Variants in GALNT7 observed in about 807,000 individuals in gnomAD.
GALNT7 encodes the protein polypeptide N-acetylgalactosaminyltransferase 7.
GALNT7 carries 60 observed loss-of-function variants against 82.1 expected under a neutral mutation model. The observed-to-expected ratio is 0.73, with a 90% CI of 0.59 to 0.91. The LOEUF (loss-of-function observed/expected upper bound fraction) is 0.91. GALNT7 is among the 40% of genes least tolerant of loss of function. GALNT7 has a pLI of 0.00. For missense variants in GALNT7, 660 were observed against 804.2 expected, an observed-to-expected ratio of 0.82 and a Z score of 2.17; for synonymous variants, 243 against 275.1, an observed-to-expected ratio of 0.88 and a Z score of 1.15.
intron 2 of GALNT7, among the ~76,000 whole-genome samples, chr4:173,276,460 G>A (rs942839923): frequency 2.6e-5 from 4 of 152,120 alleles, no homozygotes; most frequent in Admixed American, 6.5e-5. Flanking sequence ...AGGAATTGAG[G>A]CATTGTTTGA....
At chr4:173,294,411 A>G (rs761411341) in intron 3 of GALNT7, among the ~76,000 whole-genome samples, 3 of 152,142 alleles carry the variant, frequency 2.0e-5, no homozygotes, top group Non-Finnish European at 4.4e-5. Flanking sequence ...TCAATTCCAG[A>G]TACCCACGTG....
chr4:173,256,707 A>G (rs945814923), intron 2 of GALNT7, among the ~76,000 whole-genome samples: 3 of 152,244 alleles, frequency 2.0e-5, no homozygotes, highest in Non-Finnish European at 2.9e-5. Flanking sequence ...CCTAAAAGGT[A>G]GGCATAGCCA....
chr4:173,175,253 G>A (rs1437624652), intron 1 of GALNT7, among the ~76,000 whole-genome samples: 2 of 152,174 alleles, frequency 1.3e-5, no homozygotes, highest in Non-Finnish European at 2.9e-5. Flanking sequence ...AACAATAATA[G>A]TTTACATATA....
At chr4:173,215,020 A>G (rs1191277132) in intron 1 of GALNT7, among the ~76,000 whole-genome samples, 1 of 151,994 alleles carries the variant, frequency 6.6e-6, no homozygotes, top group Non-Finnish European at 1.5e-5. Context: ...CCTTTCTGTA[A>G]TCCTATCATG....
chr4:173,196,590 G>T (rs1732786333), intron 1 of GALNT7, among the ~76,000 whole-genome samples: 1 of 152,088 alleles, frequency 6.6e-6, no homozygotes, highest in South Asian at 2.1e-4. Flanking sequence ...GGATGTACAG[G>T]TTTGTTATAT....
intron 1 of GALNT7, among the ~76,000 whole-genome samples, chr4:173,220,949 C>T (rs1384501001): frequency 6.6e-6 from 1 of 151,660 alleles, no homozygotes; most frequent in Non-Finnish European, 1.5e-5. Context: ...GTGGATAGTG[C>T]CGCAATAAAC....
At chr4:173,306,012 C>A (rs1029406851) in intron 8 of GALNT7, among the ~76,000 whole-genome samples, 5 of 152,020 alleles carry the variant, frequency 3.3e-5, no homozygotes, top group Admixed American at 6.6e-5. Context: ...AATATTAGTT[C>A]TTTGAATCCA....
intron 1 of GALNT7, among the ~76,000 whole-genome samples, chr4:173,218,298 T>C (rs1296945840): frequency 6.6e-6 from 1 of 152,354 alleles, no homozygotes; most frequent in South Asian, 2.1e-4. Context: ...AAAAGATTGC[T>C]GGAATTTAGG....
chr4:173,257,406 G>T (rs1183468485), intron 2 of GALNT7, among the ~76,000 whole-genome samples: 5 of 152,106 alleles, frequency 3.3e-5, no homozygotes, highest in Non-Finnish European at 7.4e-5. Context: ...CTCATTTTAA[G>T]CTGAATATGT....
chr4:173,267,063 G>A (rs10471161), intron 2 of GALNT7, among the ~76,000 whole-genome samples: 2,416 of 152,046 alleles, frequency 0.016, 61 homozygotes, highest in African/African-American at 0.051. Context: ...ATTTCAAAAG[G>A]GCTAGAAAAG....
At chr4:173,169,236 G>A (rs1731756916) in intron 1 of GALNT7, 1 of 148,736 alleles carries the variant, frequency 6.7e-6, no homozygotes, top group Non-Finnish European at 1.5e-5. Context: ...CAGCGGCTCG[G>A]GCGGCCGCTC....
chr4:173,243,121 T>C (rs1161466796), intron 1 of GALNT7, among the ~76,000 whole-genome samples: 1 of 152,228 alleles, frequency 6.6e-6, no homozygotes, highest in African/African-American at 2.4e-5. Flanking sequence ...GCTTCACCTG[T>C]GATTTCAAAT....
intron 6 of GALNT7, among the ~76,000 whole-genome samples, chr4:173,300,214 G>A (rs1466437834): frequency 2.6e-5 from 4 of 152,142 alleles, no homozygotes; most frequent in African/African-American, 4.8e-5. Flanking sequence ...GTGGTGGCAC[G>A]TGCCTGTAGT....
intron 1 of GALNT7, among the ~76,000 whole-genome samples, chr4:173,205,511 T>G (rs1419449477): frequency 6.6e-6 from 1 of 151,974 alleles, no homozygotes; most frequent in African/African-American, 2.4e-5. Flanking sequence ...TTTTTATGAT[T>G]AGGTGGTTTT....
intron 8 of GALNT7, among the ~76,000 whole-genome samples, chr4:173,305,967 T>C (rs1737140642): frequency 6.6e-6 from 1 of 152,142 alleles, no homozygotes; most frequent in African/African-American, 2.4e-5. Context: ...TTATATTGAA[T>C]CTGTAGTTTG....
In GALNT7 at chr4:173,265,636, C is replaced by T. The variant is rs1309677093; in HGVS notation, c.587+17196C>T. Among the ~76,000 whole-genome samples the T allele has an allele frequency of 8.9e-5, 12 of 135,450 alleles. 1 individual carries two copies. Among genetic ancestry groups the T allele is most frequent in the African/African-American group, 3.3e-4 (11 of 33,776 alleles). The allele number at this position is 135,450 out of a possible 152,430, so 88.9% of individuals were successfully genotyped here. A position where few individuals can be genotyped will look rare whatever the true frequency, so the allele number is the denominator to read the frequency against. On this transcript the variant is annotated intron_variant, in intron 2 of 11. Coordinates refer to ENST00000265000, the MANE Select transcript of GALNT7 (RefSeq NM_017423.3). ...CTCTCTCTCTGTCTCTGTCTCTCCA[C>T]CCCCAAGACCCCCTCATTCCCCCCA...
chr4:173,296,312 A>C (rs1286504057), intron 5 of GALNT7, among the ~76,000 whole-genome samples: 1 of 152,236 alleles, frequency 6.6e-6, no homozygotes, highest in Non-Finnish European at 1.5e-5. Context: ...ATAGACAACT[A>C]TTCCATGGAA....
Position 173,321,691 on chromosome 4 carries a change from G to T in GALNT7, c.1948G>T (p.Glu650Ter). Residue 650 changes from glutamate (E) to a stop codon, truncating the protein, a stop_gained, in exon 12 of 12, where the codon GAA becomes TAA. Transcript: ENST00000265000. LOFTEE classifies it high-confidence loss of function. ...CTCCAGTAAAACGACTCAAAAATGG[G>T]AAATGAATAACATCCATAGTGTTTA... is the stretch of plus-strand genomic sequence containing the variant. ...CDSSKTTQKW[E>*]MNNIHSV 6.2e-7 allele frequency: 1 copy of T among 1,607,958 alleles called. No homozygotes were observed. The highest frequency in any genetic ancestry group is 8.5e-7 in the Non-Finnish European group (1 of 1,174,780).
intron 1 of GALNT7, 33 bp downstream of exon 1, chr4:173,168,994 G>A: frequency 6.2e-7 from 1 of 1,606,262 alleles, no homozygotes; most frequent in Middle Eastern, 1.8e-4. Flanking sequence ...TCCGGCGGCA[G>A]CGACCGGCAA....
Sources: gnomAD v4.1 joint callset for allele counts (sites outside exome capture counted in the v4.1 genomes callset) on GRCh38, gnomAD v4.1.1 for gene constraint, MANE v1.5 for transcripts, NCBI Gene and HGNC (gene_info 2026-07-23, HGNC 2026-07-21) for gene names.